The following GATA4 variants were observed in gnomAD, a reference collection of about 807,000 sequenced individuals.
GATA4 encodes the protein transcription factor GATA-4.
In GATA4, 7 loss-of-function variants were observed where a neutral mutation model predicts 37.9. That is an observed-to-expected ratio of 0.18 (90% CI 0.11 to 0.35). The LOEUF (loss-of-function observed/expected upper bound fraction) is 0.35. GATA4 is among the 10% of genes least tolerant of loss of function. The pLI is 1.00. For missense variants in GATA4, 647 were observed against 653.0 expected, an observed-to-expected ratio of 0.99 and a Z score of 0.10; for synonymous variants, 372 against 292.6, an observed-to-expected ratio of 1.27 and a Z score of -2.77.
upstream of GATA4, chr8:11,704,188 C>G (rs1036477279): frequency 6.6e-6 from 1 of 152,260 alleles, no homozygotes; most frequent in Non-Finnish European, 1.5e-5. Flanking sequence ...GGCCGGGGAC[C>G]CGAGCCGCGA....
intron 2 of GATA4, among the ~76,000 whole-genome samples, chr8:11,748,488 G>C (rs987795062): frequency 6.6e-6 from 1 of 152,252 alleles, no homozygotes; most frequent in South Asian, 2.1e-4. Flanking sequence ...ATATATTTTG[G>C]CACTAATTTT....
At chr8:11,700,818 ACT>A (rs1416511808), upstream of GATA4, 1 of 152,016 alleles carries the variant, frequency 6.6e-6, no homozygotes, top group Non-Finnish European at 1.5e-5. Flanking sequence ...CCATTATAAG[ACT>A]CTGGCGACCT....
chr8:11,681,296 GA>G (rs1221178612), intron 1 of GATA4: 1 of 985,278 alleles, frequency 1.0e-6, no homozygotes, highest in East Asian at 1.1e-4. Flanking sequence ...AGGTTCCGGG[GA>G]AGAGCACTGT....
In GATA4 at chr8:11,708,690, C is replaced by T; in HGVS notation, c.378C>T (p.Ala126=). ...CGGCCGCCGCCGCCGCTGCCGCGGC[C>T]CGGGAAGCTGCGGCCTACAGCAGTG... ...SLAAAAAAAA[A]REAAAYSSGG... is the part of the protein sequence containing the mutation. Residue 126 remains alanine (A), a synonymous_variant, in exon 2 of 7, where the codon GCC becomes GCT. Transcript: ENST00000532059. This position sits in a 1 kb window ranked among gnomAD's most constrained non-coding sequence, Gnocchi z 6.7. 2 of 1,278,470 alleles carry T rather than the reference C, an allele frequency of 1.6e-6. No individual in the cohort carries two copies. Among genetic ancestry groups the T allele is most frequent in the South Asian group, 2.7e-5 (1 of 37,144 alleles). 79.2% of individuals were successfully genotyped at this position (1,278,470 alleles called of 1,614,324 possible). A position where few individuals can be genotyped will look rare whatever the true frequency, so the allele number is the denominator to read the frequency against.
rs1038128589 is a variant in GATA4 at position 11,709,082 on chromosome 8, C to T, written c.616+154C>T. 1.3e-5 allele frequency among the ~76,000 whole-genome samples: 2 copies of T among 152,266 alleles called. No individual in the cohort carries two copies. Among genetic ancestry groups the T allele is most frequent in the Admixed American group, 6.5e-5 (1 of 15,314 alleles). On this transcript the variant is annotated intron_variant, in intron 2 of 6. Transcript: ENST00000532059. This position sits in a 1 kb window ranked among gnomAD's most constrained non-coding sequence, Gnocchi z 4.3. The stretch of plus-strand genomic sequence containing the variant: ...TTTCTAGGGAAGGCAGAAGCCAGTG[C>T]GGGGCTGGCGACATCACAGCCCCAG...
intron 2 of GATA4, among the ~76,000 whole-genome samples, chr8:11,717,706 A>T (rs1191841389): frequency 6.6e-6 from 1 of 152,152 alleles, no homozygotes; most frequent in Non-Finnish European, 1.5e-5. Flanking sequence ...TCCTCTCCCC[A>T]GGGTAGCTTC....
chr8:11,748,842 C>A, intron 2 of GATA4, 74 bp from the exon 3 acceptor site: 1 of 1,542,238 alleles, frequency 6.5e-7, no homozygotes, highest in Non-Finnish European at 9.0e-7. Flanking sequence ...GCTCTAGATT[C>A]TCAGATGTGA....
At chr8:11,685,214 A>G (rs1799100078) in intron 1 of GATA4, among the ~76,000 whole-genome samples, 1 of 152,230 alleles carries the variant, frequency 6.6e-6, no homozygotes. Flanking sequence ...ATTCAATGAC[A>G]TGGGAAGTCT....
chr8:11,698,070 A>G (rs1799560798), intron 1 of GATA4: 3 of 950,296 alleles, frequency 3.2e-6, no homozygotes, highest in Non-Finnish European at 3.8e-6. Flanking sequence ...CCTCCCACCC[A>G]GGCCCGGCCG....
At chr8:11,737,367 G>C (rs554065993) in intron 2 of GATA4, among the ~76,000 whole-genome samples, 1 of 152,210 alleles carries the variant, frequency 6.6e-6, no homozygotes, top group East Asian at 1.9e-4. Context: ...CATGGGCCTG[G>C]AAGGAAAAGC....
Position 11,749,770 on chromosome 8 carries a change from G to A in GATA4, c.787-341G>A, listed in dbSNP as rs1427438898. On this transcript the variant is annotated intron_variant, in intron 3 of 6. Coordinates refer to ENST00000532059, the MANE Select transcript of GATA4 (RefSeq NM_001308093.3). This position sits in a 1 kb window ranked among gnomAD's most constrained non-coding sequence, Gnocchi z 4.6. ...TCTCTGCCTGCCCCCGGCACCTGCAGCCCCGGTCAGTTCTCCTCTCAGGAG... is the reference window on the plus strand; with the variant it reads ...TCTCTGCCTGCCCCCGGCACCTGCAACCCCGGTCAGTTCTCCTCTCAGGAG... Among the ~76,000 whole-genome samples the A allele has an allele frequency of 6.6e-5, 10 of 152,316 alleles. No homozygotes were observed. The East Asian group carries it at 1.9e-3, about 29-fold the overall frequency.
intron 5 of GATA4, among the ~76,000 whole-genome samples, chr8:11,755,433 C>G (rs896238742): frequency 6.6e-6 from 1 of 152,252 alleles, no homozygotes; most frequent in Non-Finnish European, 1.5e-5. Context: ...AGGAACTTTA[C>G]TCGGTCCTTT....
At chr8:11,680,571 G>C (rs1303073410) in intron 1 of GATA4, 2 of 985,244 alleles carry the variant, frequency 2.0e-6, no homozygotes, top group African/African-American at 3.5e-5. Context: ...GGTGGGCCAG[G>C]AAGCCCAGGC....
At chr8:11,731,507 G>T (rs979593336) in intron 2 of GATA4, among the ~76,000 whole-genome samples, 1 of 152,212 alleles carries the variant, frequency 6.6e-6, no homozygotes, top group Non-Finnish European at 1.5e-5. Flanking sequence ...TCCCACTTCT[G>T]TGGGGCCCCC....
At chr8:11,730,481 G>T (rs984534460) in intron 2 of GATA4, among the ~76,000 whole-genome samples, 2 of 152,236 alleles carry the variant, frequency 1.3e-5, no homozygotes, top group Non-Finnish European at 2.9e-5. Context: ...GAAACAGGGG[G>T]ATCTGAAGAG....
chr8:11,728,503 G>A (rs1253867406), intron 2 of GATA4, among the ~76,000 whole-genome samples: 2 of 151,576 alleles, frequency 1.3e-5, no homozygotes, highest in East Asian at 3.9e-4. Context: ...TAAGTAGCTG[G>A]GACTACAGGT....
intron 1 of GATA4, chr8:11,705,797 G>A (rs74832611): frequency 6.6e-6 from 1 of 152,186 alleles, no homozygotes; most frequent in African/African-American, 2.4e-5. Flanking sequence ...ATGTGATAAA[G>A]ACAAATATTA....
At chr8:11,697,662 G>A in intron 1 of GATA4, 2 of 985,474 alleles carry the variant, frequency 2.0e-6, no homozygotes, top group Non-Finnish European at 2.4e-6. Flanking sequence ...AGGACCCCGG[G>A]TCTTCGCGCC....
At chr8:11,757,148 C>T in intron 6 of GATA4, 65 bp downstream of exon 6, 4 of 1,596,144 alleles carry the variant, frequency 2.5e-6, no homozygotes, top group South Asian at 2.2e-5. Context: ...TCCCAGAGGC[C>T]AGCCTAGTAC....
Sources: gnomAD v4.1 joint callset for allele counts (sites outside exome capture counted in the v4.1 genomes callset) on GRCh38, gnomAD v4.1.1 for gene constraint, Gnocchi (gnomAD v3.1) non-coding constraint, MANE v1.5 for transcripts, NCBI Gene and HGNC (gene_info 2026-07-23, HGNC 2026-07-21) for gene names.